HOMER2: variants seen among roughly 807,000 people sequenced by gnomAD.
The protein encoded by HOMER2 is homer protein homolog 2.
A neutral mutation model predicts 47.0 loss-of-function variants in HOMER2; 27 were observed. That is an observed-to-expected ratio of 0.57 (90% CI 0.42 to 0.79). The LOEUF (loss-of-function observed/expected upper bound fraction) is 0.79. HOMER2 is among the 30% of genes least tolerant of loss of function. HOMER2 has a pLI of 0.00. For missense variants in HOMER2, 443 were observed against 435.0 expected (o/e 1.02, Z -0.16); for synonymous variants, 161 against 163.8 (o/e 0.98, Z 0.13).
chr15:82,841,436 G>A (rs913720763), exon 2 of HOMER2: 7 of 151,962 alleles, frequency 4.6e-5, no homozygotes, highest in African/African-American at 1.7e-4. Context: ...TAGAAATAGA[G>A]GGCATAACCT....
intron 1 of HOMER2, among the ~76,000 whole-genome samples, chr15:82,925,217 A>T (rs1425361885): frequency 6.6e-6 from 1 of 152,222 alleles, no homozygotes; most frequent in Non-Finnish European, 1.5e-5. Flanking sequence ...CAAAACCTTC[A>T]GGTTCCAGCC....
At chr15:82,919,611 G>A (rs1460820246) in intron 1 of HOMER2, among the ~76,000 whole-genome samples, 1 of 152,198 alleles carries the variant, frequency 6.6e-6, no homozygotes, top group African/African-American at 2.4e-5. Context: ...TAATTGGAAC[G>A]TCCAGTACCA....
At chr15:82,937,988 C>T (rs2054178685) in intron 1 of HOMER2, among the ~76,000 whole-genome samples, 1 of 152,202 alleles carries the variant, frequency 6.6e-6, no homozygotes, top group African/African-American at 2.4e-5. Context: ...CACTCCTCGC[C>T]CCAACCCTAC....
At chr15:82,968,850 A>C (rs1056791589) in intron 1 of HOMER2, among the ~76,000 whole-genome samples, 1 of 152,238 alleles carries the variant, frequency 6.6e-6, no homozygotes, top group African/African-American at 2.4e-5. Context: ...GGCTGATCAT[A>C]ATCTCAGCTG....
intron 2 of HOMER2, among the ~76,000 whole-genome samples, chr15:82,875,801 C>A (rs900603265): frequency 2.0e-5 from 3 of 152,242 alleles, no homozygotes; most frequent in Non-Finnish European, 4.4e-5. Flanking sequence ...CTTTATGAGT[C>A]ACCTGGAGCC....
intron 4 of HOMER2, among the ~76,000 whole-genome samples, chr15:82,860,320 G>T (rs997178315): frequency 6.6e-6 from 1 of 152,106 alleles, no homozygotes; most frequent in Non-Finnish European, 1.5e-5. Flanking sequence ...GCTACATGCT[G>T]AAATATTTAC....
At chr15:82,857,080 T>C (rs2051610157) in intron 5 of HOMER2, among the ~76,000 whole-genome samples, 1 of 151,384 alleles carries the variant, frequency 6.6e-6, no homozygotes, top group South Asian at 2.1e-4. Context: ...GTTGAAACCC[T>C]ACCCCTAATG....
intron 1 of HOMER2, among the ~76,000 whole-genome samples, chr15:82,933,552 C>T (rs896844075): frequency 6.6e-6 from 1 of 152,118 alleles, no homozygotes; most frequent in Non-Finnish European, 1.5e-5. Context: ...CAGCCAAGAA[C>T]CCCACCTTCT....
chr15:82,973,137 A>G (rs1308557833), intron 1 of HOMER2, among the ~76,000 whole-genome samples: 1 of 152,210 alleles, frequency 6.6e-6, no homozygotes, highest in African/African-American at 2.4e-5. Flanking sequence ...AGTGTCTAAT[A>G]TGAAAGCAAA....
intron 2 of HOMER2, among the ~76,000 whole-genome samples, chr15:82,889,673 G>A (rs146927917): frequency 1.6e-3 from 238 of 152,254 alleles, no homozygotes; most frequent in Non-Finnish European, 2.6e-3. Context: ...GGCAAGCCGC[G>A]GGGGACCAGG....
chr15:82,845,062 A>G (rs2051220656), downstream of HOMER2: 1 of 152,250 alleles, frequency 6.6e-6, no homozygotes, highest in African/African-American at 2.4e-5. Context: ...GAACAATTCC[A>G]CTTCAAACAA....
At chr15:82,912,526 T>A (rs1474245148) in intron 1 of HOMER2, among the ~76,000 whole-genome samples, 1 of 152,218 alleles carries the variant, frequency 6.6e-6, no homozygotes, top group African/African-American at 2.4e-5. Context: ...CTTTTGGCTA[T>A]TACAAATAAT....
At chr15:82,915,815 AC>A (rs1263290588) in intron 1 of HOMER2, among the ~76,000 whole-genome samples, 1 of 152,254 alleles carries the variant, frequency 6.6e-6, no homozygotes, top group Non-Finnish European at 1.5e-5. Flanking sequence ...CTTATTAAAA[AC>A]AAAAACAAAC....
intron 2 of HOMER2, among the ~76,000 whole-genome samples, chr15:82,879,816 C>T (rs971222214): frequency 2.0e-5 from 3 of 152,150 alleles, no homozygotes. Context: ...TGCAATGCTA[C>T]TTGACAGCAT....
At chr15:82,841,394 A>G (rs573381540) in exon 2 of HOMER2, 113 of 152,270 alleles carry the variant, frequency 7.4e-4, no homozygotes, top group African/African-American at 2.5e-3. Context: ...ATAAAACCCC[A>G]ACATCCATTA....
At chr15:82,858,154 T>C (rs903987748) in intron 5 of HOMER2, among the ~76,000 whole-genome samples, 25 of 152,370 alleles carry the variant, frequency 1.6e-4, no homozygotes, top group African/African-American at 5.5e-4. Flanking sequence ...ATGGTTCTAG[T>C]TCATACTGTA....
Position 82,969,709 on chromosome 15 carries a change from G to A in HOMER2, n.83-10401C>T, listed in dbSNP as rs138588840. Among the ~76,000 whole-genome samples the A allele has an allele frequency of 7.2e-5, 11 of 152,322 alleles. No individual in the cohort carries two copies. The East Asian group carries it at 1.7e-3, about 24-fold the overall frequency. ...AGATAGGTAAGACATGGAGCCAGAC[G>A]TTTTATTTGAAAATTATCTTTATGA... On this transcript the variant is annotated intron_variant and non_coding_transcript_variant, in intron 1 of 1. Transcript: ENST00000500334.
At chr15:82,925,856 C>T (rs1389069908) in intron 1 of HOMER2, 1 of 152,096 alleles carries the variant, frequency 6.6e-6, no homozygotes. Context: ...AATCTCCTAT[C>T]ATCAGACTCT....
Position 82,882,338 on chromosome 15 carries a change from C to G in HOMER2, c.163-6934G>C, listed in dbSNP as rs886353202. ...TCATCATCCACTCATTCCCCCACCC[C>G]CTTCTATGGCGTTGCCCACCCTGGC... On this transcript the variant is annotated intron_variant, in intron 2 of 8. Transcript: ENST00000450735. 2.6e-5 allele frequency among the ~76,000 whole-genome samples: 4 copies of G among 152,192 alleles called. No homozygotes were observed. In the East Asian group the frequency reaches 5.8e-4, roughly 22 times the overall value.
Sources: allele counts gnomAD v4.1 joint callset (sites outside exome capture counted in the v4.1 genomes callset), GRCh38; gene constraint gnomAD v4.1.1; transcripts MANE v1.5; gene names NCBI Gene and HGNC (gene_info 2026-07-23, HGNC 2026-07-21).